Variants in CSMD1 observed in about 807,000 individuals in gnomAD.
CSMD1 encodes the protein CUB and sushi domain-containing protein 1.
A neutral mutation model predicts 417.5 loss-of-function variants in CSMD1; 213 were observed. The ratio of observed to expected loss-of-function variants is 0.51; its 90% CI spans 0.46 to 0.57. The LOEUF is 0.57. Among genes scored for constraint, CSMD1 ranks in the 20% least tolerant of loss-of-function variants. The probability of loss-of-function intolerance (pLI) is 0.00; values close to 1 mark genes in which losing one functional copy is unlikely to be tolerated. For synonymous variants in CSMD1, 2,862 were observed against 1,736.8 expected (o/e 1.65, Z -16.11); for missense variants, 6,923 against 4,529.7 (o/e 1.53, Z -15.17).
At chr8:4,292,957 A>T (rs1321186423) in intron 3 of CSMD1, among the ~76,000 whole-genome samples, 6 of 152,126 alleles carry the variant, frequency 3.9e-5, no homozygotes, top group African/African-American at 1.4e-4. Context: ...CCCACAAAGC[A>T]CTCCAGAGGC....
At chr8:3,389,623 GGATTATATATTAATGGTTTT>G in intron 17 of CSMD1, among the ~76,000 whole-genome samples, 1 of 43,576 alleles carries the variant, frequency 2.3e-5, no homozygotes, top group East Asian at 3.6e-4. Flanking sequence ...GAATAAGTGA[GGATTATATATTAATGGTTTT>G]AATAAGTGAG....
intron 2 of CSMD1, among the ~76,000 whole-genome samples, chr8:4,452,423 T>C (rs1799201262): frequency 6.6e-6 from 1 of 152,234 alleles, no homozygotes; most frequent in Admixed American, 6.5e-5. Context: ...TCTTACACGG[T>C]GATTCTTGAC....
At chr8:4,075,305 A>G (rs1799764348) in intron 3 of CSMD1, among the ~76,000 whole-genome samples, 2 of 152,216 alleles carry the variant, frequency 1.3e-5, no homozygotes, top group Admixed American at 6.5e-5. Flanking sequence ...TTATGTAAAT[A>G]AAAACATAAA....
intron 7 of CSMD1, among the ~76,000 whole-genome samples, chr8:3,703,448 ATTCATTCATT>A (rs1187685220): frequency 6.8e-6 from 1 of 146,440 alleles, no homozygotes; most frequent in Non-Finnish European, 1.5e-5. Context: ...TCATTCATTC[ATTCATTCATT>A]CATTCATTCA....
intron 3 of CSMD1, among the ~76,000 whole-genome samples, chr8:4,380,258 C>G (rs778024663): frequency 1.3e-5 from 2 of 152,136 alleles, no homozygotes; most frequent in African/African-American, 2.4e-5. Context: ...ACAAGCCTGA[C>G]AAACACCTCT....
At chr8:3,653,734 C>T (rs1045731025) in intron 7 of CSMD1, among the ~76,000 whole-genome samples, 8 of 152,140 alleles carry the variant, frequency 5.3e-5, no homozygotes, top group South Asian at 2.1e-4. Flanking sequence ...AGTGAAGGAC[C>T]GGCCACATCG....
At chr8:3,965,976 A>C (rs1451657423) in intron 5 of CSMD1, among the ~76,000 whole-genome samples, 1 of 152,228 alleles carries the variant, frequency 6.6e-6, no homozygotes, top group Non-Finnish European at 1.5e-5. Context: ...AGCATAATTT[A>C]GCGAGAATAA....
intron 5 of CSMD1, among the ~76,000 whole-genome samples, chr8:3,775,459 A>C (rs748732367): frequency 6.6e-6 from 1 of 152,208 alleles, no homozygotes; most frequent in Non-Finnish European, 1.5e-5. Flanking sequence ...ACAATCATTT[A>C]TCAATGATAC....
intron 6 of CSMD1, among the ~76,000 whole-genome samples, chr8:3,736,704 G>A (rs1030638986): frequency 2.0e-4 from 31 of 152,188 alleles, no homozygotes; most frequent in African/African-American, 6.8e-4. Flanking sequence ...TGGGGATAAG[G>A]ACACACCTGC....
At chr8:4,565,540 G>A (rs1324398643) in intron 2 of CSMD1, among the ~76,000 whole-genome samples, 2 of 151,892 alleles carry the variant, frequency 1.3e-5, no homozygotes, top group African/African-American at 4.8e-5. Context: ...TTTGAGACAA[G>A]CCTGGCCAAC....
At chr8:4,151,501 C>T (rs897734180) in intron 3 of CSMD1, among the ~76,000 whole-genome samples, 13 of 152,066 alleles carry the variant, frequency 8.5e-5, no homozygotes, top group African/African-American at 3.1e-4. Context: ...AGAAGTGAAC[C>T]AAATGGAAGA....
chr8:4,182,394 G>C (rs956955402), intron 3 of CSMD1, among the ~76,000 whole-genome samples: 2 of 152,042 alleles, frequency 1.3e-5, no homozygotes, highest in African/African-American at 4.8e-5. Context: ...AAACTTATTA[G>C]AGAGATCAGT....
In CSMD1 at chr8:4,926,437, C is replaced by G. The variant is rs78942137; in HGVS notation, c.85+67895G>C. Among the ~76,000 whole-genome samples the G allele has an allele frequency of 8.1e-3, 1,238 of 152,266 alleles. 14 individuals carry two copies. The highest frequency in any genetic ancestry group is 0.028 in the African/African-American group (1,156 of 41,554). On this transcript the variant is annotated intron_variant, in intron 1 of 69. Coordinates refer to ENST00000635120, the MANE Select transcript of CSMD1 (RefSeq NM_033225.6). Reference sequence around the variant, plus strand: ...CCGTGTAATTCTCTCACACTTAATACTGGCGCTTGCATCTACTAGAAGCTT... The same window carrying G: ...CCGTGTAATTCTCTCACACTTAATAGTGGCGCTTGCATCTACTAGAAGCTT...
chr8:4,757,912 T>G (rs989313027), intron 1 of CSMD1, among the ~76,000 whole-genome samples: 2 of 149,196 alleles, frequency 1.3e-5, no homozygotes, highest in Non-Finnish European at 3.0e-5. Context: ...GGAGCCGACA[T>G]TGTGCCACCT....
intron 2 of CSMD1, among the ~76,000 whole-genome samples, chr8:4,420,604 G>A (rs1009129543): frequency 2.0e-5 from 3 of 152,092 alleles, no homozygotes; most frequent in African/African-American, 7.2e-5. Flanking sequence ...ACTCAAACAT[G>A]AAAGTATTGC....
At chr8:3,999,856 G>C (rs1438408861) in intron 4 of CSMD1, among the ~76,000 whole-genome samples, 2 of 152,146 alleles carry the variant, frequency 1.3e-5, no homozygotes, top group African/African-American at 4.8e-5. Flanking sequence ...CCCATCCAAA[G>C]CACGTGACGT....
chr8:3,241,329 A>T (rs1268922959), intron 26 of CSMD1, among the ~76,000 whole-genome samples: 2 of 151,558 alleles, frequency 1.3e-5, no homozygotes, highest in East Asian at 1.9e-4. Context: ...AGGCAAGGGA[A>T]ACAGGTCCTT....
intron 7 of CSMD1, among the ~76,000 whole-genome samples, chr8:3,635,547 G>A (rs563535543): frequency 1.1e-4 from 16 of 147,132 alleles, no homozygotes; most frequent in South Asian, 2.2e-4. Context: ...GCAGTGGCGC[G>A]ATCTCAGCTC....
chr8:4,331,937 T>C (rs746071183), intron 3 of CSMD1, among the ~76,000 whole-genome samples: 1 of 152,194 alleles, frequency 6.6e-6, no homozygotes, highest in Non-Finnish European at 1.5e-5. Context: ...ACAGTCTCCA[T>C]GACCATGGCA....
Sources: gnomAD v4.1 joint callset for allele counts (sites outside exome capture counted in the v4.1 genomes callset) on GRCh38, gnomAD v4.1.1 for gene constraint, MANE v1.5 for transcripts, NCBI Gene and HGNC (gene_info 2026-07-23, HGNC 2026-07-21) for gene names.